CNTN1: variants seen among roughly 807,000 people sequenced by gnomAD.
The protein encoded by CNTN1 is contactin-1.
Under a neutral mutation model 126.4 loss-of-function variants are expected in CNTN1, and 38 were observed. That is an observed-to-expected ratio of 0.30 (90% CI 0.23 to 0.39). CNTN1 has a LOEUF of 0.39. Ranked by LOEUF, CNTN1 falls within the 10% of genes least tolerant of loss-of-function variation. CNTN1 has a pLI of 1.00. For synonymous variants in CNTN1, 413 were observed against 422.6 expected (o/e 0.98, Z 0.28); for missense variants, 1,009 against 1,248.4 (o/e 0.81, Z 2.89).
At chr12:40,862,918 A>T (rs1306548831) in intron 1 of CNTN1, among the ~76,000 whole-genome samples, 2 of 152,198 alleles carry the variant, frequency 1.3e-5, no homozygotes, top group Non-Finnish European at 2.9e-5. Flanking sequence ...ATCTACCATT[A>T]CTATAAACTA....
chr12:40,988,256 T>G (rs1202509546), intron 16 of CNTN1, among the ~76,000 whole-genome samples: 1 of 152,164 alleles, frequency 6.6e-6, no homozygotes, highest in Admixed American at 6.6e-5. Flanking sequence ...GAATTTTTAT[T>G]TAGAATCTCT....
intron 1 of CNTN1, among the ~76,000 whole-genome samples, chr12:40,830,817 ATAT>A (rs1941793303): frequency 7.9e-6 from 1 of 125,962 alleles, no homozygotes; most frequent in Non-Finnish European, 1.7e-5. Flanking sequence ...ATATATATAT[ATAT>A]ATATATATAT....
At chr12:40,822,146 A>ATTTTT (rs1315956279) in intron 1 of CNTN1, among the ~76,000 whole-genome samples, 4 of 81,890 alleles carry the variant, frequency 4.9e-5, no homozygotes, top group African/African-American at 1.2e-4. Flanking sequence ...CAAAATATAA[A>ATTTTT]TCTTTTTTTT....
chr12:40,885,542 C>G (rs955705944), intron 1 of CNTN1, among the ~76,000 whole-genome samples: 1 of 151,910 alleles, frequency 6.6e-6, no homozygotes, highest in Non-Finnish European at 1.5e-5. Flanking sequence ...TACTTCACAT[C>G]TTTGTGTCTC....
intron 1 of CNTN1, among the ~76,000 whole-genome samples, chr12:40,721,511 G>A (rs1417746481): frequency 1.3e-5 from 2 of 151,752 alleles, no homozygotes; most frequent in African/African-American, 4.8e-5. Flanking sequence ...TTATCATGAA[G>A]GATGCTGTCT....
rs369635772 is a variant in CNTN1, at chr12:40,773,696, CATAT to C, written c.-77+81120_-77+81123del. ...ATACACATATATATATATATATACA[CATAT>C]ATATATATATATATACACATATATA... On this transcript the variant is annotated intron_variant, in intron 1 of 23. Coordinates refer to ENST00000551295, the MANE Select transcript of CNTN1 (RefSeq NM_001843.4). Among the ~76,000 whole-genome samples the C allele has an allele frequency of 5.5e-4, 11 of 19,914 alleles. 1 individual carries two copies. The highest frequency in any genetic ancestry group is 3.1e-3 in the Admixed American group (4 of 1,306). 13.1% of individuals were successfully genotyped at this position (19,914 alleles called of 152,430 possible).
chr12:40,931,278 T>G (rs1411141558), intron 7 of CNTN1, among the ~76,000 whole-genome samples: 1 of 152,004 alleles, frequency 6.6e-6, no homozygotes, highest in African/African-American at 2.4e-5. Flanking sequence ...ACACTGCCTC[T>G]TCTGCCTTTC....
Position 41,067,640 on chromosome 12 carries a change from T to C in CNTN1, c.2981-2319T>C, listed in dbSNP as rs372071742. Among the ~76,000 whole-genome samples, 17 of 136,142 alleles carry C rather than the reference T, an allele frequency of 1.2e-4. No homozygotes were observed. In the East Asian group the frequency reaches 4.4e-3, roughly 35 times the overall value. The allele number at this position is 136,142 out of a possible 152,430, so 89.3% of individuals were successfully genotyped here. A position where few individuals can be genotyped will look rare whatever the true frequency, so the allele number is the denominator to read the frequency against. ...GGTGGGGTGGGGGAGGGGGGAGGGA[T>C]AGCATTGGGAGATATACCTAATGCT... On this transcript the variant is annotated intron_variant, in intron 23 of 23. Transcript: ENST00000551295.
At chr12:40,874,233 A>G (rs996524243) in intron 1 of CNTN1, among the ~76,000 whole-genome samples, 5 of 152,114 alleles carry the variant, frequency 3.3e-5, no homozygotes, top group African/African-American at 1.2e-4. Flanking sequence ...GGAGGATAAA[A>G]TGAATAATCT....
intron 1 of CNTN1, among the ~76,000 whole-genome samples, chr12:40,836,103 TACATATACA>T (rs1565806633): frequency 3.4e-5 from 5 of 148,194 alleles, no homozygotes; most frequent in East Asian, 2.0e-4. Flanking sequence ...TATATATACG[TACATATACA>T]GGTATATATA....
At chr12:40,818,835 G>A (rs1592121929) in intron 1 of CNTN1, among the ~76,000 whole-genome samples, 2 of 152,132 alleles carry the variant, frequency 1.3e-5, no homozygotes, top group East Asian at 3.9e-4. Context: ...TGAGGCTGCT[G>A]ACCTTTGGAT....
intron 1 of CNTN1, among the ~76,000 whole-genome samples, chr12:40,834,038 T>A (rs1941954968): frequency 6.6e-6 from 1 of 152,232 alleles, no homozygotes; most frequent in South Asian, 2.1e-4. Flanking sequence ...TGCACTCTCT[T>A]GAGAACAGTG....
chr12:41,017,335 G>T (rs1163066341), intron 19 of CNTN1, among the ~76,000 whole-genome samples: 1 of 150,202 alleles, frequency 6.7e-6, no homozygotes, highest in Non-Finnish European at 1.5e-5. Flanking sequence ...ACTTTGGGAG[G>T]CGGAGGCAGG....
intron 1 of CNTN1, among the ~76,000 whole-genome samples, chr12:40,752,095 C>T (rs1938426055): frequency 6.6e-6 from 1 of 151,788 alleles, no homozygotes; most frequent in African/African-American, 2.4e-5. Flanking sequence ...TTTTATGAGC[C>T]ATTAACAAAA....
chr12:41,014,184 C>T, intron 17 of CNTN1, 44 bp from the exon 18 acceptor site: 1 of 1,587,112 alleles, frequency 6.3e-7, no homozygotes, highest in African/African-American at 1.3e-5. Context: ...AATGCAGGCC[C>T]TCTTTTTGTT....
At chr12:40,747,080 C>T (rs563047342) in intron 1 of CNTN1, among the ~76,000 whole-genome samples, 77 of 152,176 alleles carry the variant, frequency 5.1e-4, no homozygotes, top group African/African-American at 1.8e-3. Flanking sequence ...AGCCTAGACA[C>T]ATTACATCTA....
At chr12:40,954,448 C>T (rs1208319590) in intron 14 of CNTN1, among the ~76,000 whole-genome samples, 3 of 151,528 alleles carry the variant, frequency 2.0e-5, no homozygotes, top group South Asian at 2.1e-4. Flanking sequence ...TCATATTTAC[C>T]TTCTCTATAT....
At chr12:40,810,574 A>G (rs1370078828) in intron 1 of CNTN1, among the ~76,000 whole-genome samples, 1 of 147,436 alleles carries the variant, frequency 6.8e-6, no homozygotes, top group East Asian at 2.0e-4. Flanking sequence ...CTAACCTTCT[A>G]TTCTGTTTCT....
Position 41,047,296 on chromosome 12 carries a change from C to T in CNTN1, c.2980+18077C>T, listed in dbSNP as rs140339651. On this transcript the variant is annotated intron_variant, in intron 23 of 23. Transcript: ENST00000551295. ...TCATACTTTACTCTTAAAACCTTCCCACTGTTCCCTCTAAAACTCACCATC... is the reference window on the plus strand; with the variant it reads ...TCATACTTTACTCTTAAAACCTTCCTACTGTTCCCTCTAAAACTCACCATC... 3.2e-3 allele frequency among the ~76,000 whole-genome samples: 494 copies of T among 152,270 alleles called. 4 individuals carry two copies. The highest frequency in any genetic ancestry group is 3.8e-3 in the Non-Finnish European group (258 of 68,026).
Sources: gnomAD v4.1 joint callset for allele counts (sites outside exome capture counted in the v4.1 genomes callset) on GRCh38, gnomAD v4.1.1 for gene constraint, MANE v1.5 for transcripts, NCBI Gene and HGNC (gene_info 2026-07-23, HGNC 2026-07-21) for gene names.